The following SPOCK2 variants were observed in gnomAD, a reference collection of about 807,000 sequenced individuals.
SPOCK2 encodes the protein testican-2.
SPOCK2 carries 39 observed loss-of-function variants against 60.1 expected under a neutral mutation model. The ratio of observed to expected loss-of-function variants is 0.65; its 90% CI spans 0.50 to 0.85. The LOEUF (loss-of-function observed/expected upper bound fraction) is 0.85. Ranked by LOEUF, SPOCK2 falls within the 40% of genes least tolerant of loss-of-function variation. The pLI is 0.00. For synonymous variants in SPOCK2, 217 were observed against 231.5 expected (o/e 0.94, Z 0.57); for missense variants, 523 against 567.4 (o/e 0.92, Z 0.80).
At chr10:72,073,209 C>T (rs1840673039) in intron 1 of SPOCK2, among the ~76,000 whole-genome samples, 2 of 152,208 alleles carry the variant, frequency 1.3e-5, no homozygotes, top group Non-Finnish European at 2.9e-5. Flanking sequence ...GCCCCACCAC[C>T]AGGACAGATG....
intron 1 of SPOCK2, among the ~76,000 whole-genome samples, chr10:72,074,801 C>T (rs1333979097): frequency 1.3e-5 from 2 of 152,196 alleles, no homozygotes; most frequent in Admixed American, 6.5e-5. Context: ...CTTGCTTTCA[C>T]GTGCCTCCCC....
chr10:72,088,014 T>G, intron 1 of SPOCK2, 126 bp downstream of exon 1: 2 of 1,191,702 alleles, frequency 1.7e-6, no homozygotes, highest in Non-Finnish European at 1.2e-6. Flanking sequence ...TTACTTTCCG[T>G]GTAATTAGCC....
intron 1 of SPOCK2, among the ~76,000 whole-genome samples, chr10:72,080,815 C>T (rs576002102): frequency 2.0e-5 from 3 of 152,214 alleles, no homozygotes; most frequent in South Asian, 2.1e-4. Context: ...TGCCAGGAGC[C>T]GGGCTGGGCC....
Position 72,068,275 on chromosome 10 carries a change from C to T in SPOCK2, c.501G>A (p.Leu167=), listed in dbSNP as rs1368148237. Residue 167 remains leucine (L), a synonymous_variant, in exon 6 of 11, where the codon CTG becomes CTA. Coordinates refer to ENST00000373109, the MANE Select transcript of SPOCK2 (RefSeq NM_001244950.2). ...ATCGCACCGCCAGCTGCTTGCTGCT[C>T]AGGCACGCCTGTTGCTCCAGCTTAC... is the stretch of plus-strand genomic sequence containing the variant. ...SVCKLEQQAC[L]SSKQLAVRCE... 6.8e-6 allele frequency: 11 copies of T among 1,611,682 alleles called. No homozygotes were observed. Among genetic ancestry groups the T allele is most frequent in the Admixed American group, 1.7e-5 (1 of 59,774 alleles).
intron 3 of SPOCK2, 107 bp downstream of exon 3, chr10:72,072,396 C>A: frequency 6.5e-7 from 1 of 1,545,830 alleles, no homozygotes; most frequent in Admixed American, 1.9e-5. Flanking sequence ...CCATCCCCAC[C>A]GGGGCCTGGC....
In SPOCK2 at chr10:72,088,294, G is replaced by C. The variant is rs150218613; in HGVS notation, c.35C>G (p.Pro12Arg). Residue 12 changes from proline (P) to arginine (R), a missense_variant, in exon 1 of 11, where the codon CCG becomes CGG. Pro to Arg is a moderately radical substitution (Grantham distance 103, BLOSUM62 -2). Coordinates refer to ENST00000373109, the MANE Select transcript of SPOCK2 (RefSeq NM_001244950.2). ...GGCTGCCGCGGCCAGGAGCAGCAGC[G>C]GCAGCACCAGCCGCCCGCAGCCCGG... is the stretch of plus-strand genomic sequence containing the variant. ...RAPGCGRLVLPLLLLAAAALA... is the reference protein window; with the variant it reads ...RAPGCGRLVLRLLLLAAAALA... 6.3e-7 allele frequency: 1 copy of C among 1,596,756 alleles called. No homozygotes were observed. The highest frequency in any genetic ancestry group is 8.5e-7 in the Non-Finnish European group (1 of 1,173,104).
intron 1 of SPOCK2, among the ~76,000 whole-genome samples, chr10:72,073,656 C>T (rs547993461): frequency 9.2e-5 from 14 of 152,324 alleles, no homozygotes; most frequent in Non-Finnish European, 1.9e-4. Flanking sequence ...TCCCGATGCC[C>T]AGCACAGACC....
At chr10:72,067,852 G>A (rs1373355826) in intron 6 of SPOCK2, 120 bp from the exon 7 acceptor site, 1 of 1,453,886 alleles carries the variant, frequency 6.9e-7, no homozygotes, top group East Asian at 2.5e-5. Context: ...GGCAGCAGCA[G>A]AAGGGAAGGT....
chr10:72,085,722 G>T (rs1840846333), intron 1 of SPOCK2, among the ~76,000 whole-genome samples: 1 of 152,198 alleles, frequency 6.6e-6, no homozygotes, highest in Non-Finnish European at 1.5e-5. Context: ...AACCCCTTAA[G>T]GGGTTCAAAC....
chr10:72,060,537 G>A lies in SPOCK2; in HGVS notation c.*2223C>T, dbSNP rs1216096245. 2 of 152,150 alleles carry A rather than the reference G, an allele frequency of 1.3e-5. No individual in the cohort carries two copies. The highest frequency in any genetic ancestry group is 4.8e-5 in the African/African-American group (2 of 41,248). 9.4% of individuals were successfully genotyped at this position (152,150 alleles called of 1,614,324 possible). On this transcript the variant is annotated 3_prime_UTR_variant, in exon 11 of 11. Transcript: ENST00000373109. ...AGGAAAGTTCCAGAACTCCAGCTGG[G>A]ACAAATGGAAGAGATAGGTAGACTC...
intron 7 of SPOCK2, 128 bp from the exon 8 acceptor site, chr10:72,067,248 T>C (rs1393354362): frequency 2.1e-6 from 2 of 969,070 alleles, no homozygotes; most frequent in Non-Finnish European, 3.0e-6. Context: ...AATCTAACCA[T>C]GGGATTGAGA....
At chr10:72,076,975 G>C (rs959351797) in intron 1 of SPOCK2, among the ~76,000 whole-genome samples, 1 of 152,224 alleles carries the variant, frequency 6.6e-6, no homozygotes, top group African/African-American at 2.4e-5. Flanking sequence ...GCACTGAGGA[G>C]GAGGAGGCAG....
Position 72,087,169 on chromosome 10 carries a change from C to G in SPOCK2, c.189+971G>C, listed in dbSNP as rs953878556. On this transcript the variant is annotated intron_variant, in intron 1 of 10. Coordinates refer to ENST00000373109, the MANE Select transcript of SPOCK2 (RefSeq NM_001244950.2). The surrounding 1 kb of genome is among the most constrained non-coding windows in gnomAD (Gnocchi z 4.7). ...CACACCCTCCGCCCGCCCTGCCTCACCCCTGCTTCCCCAGCCCCCAACCCG... is the reference window on the plus strand; with the variant it reads ...CACACCCTCCGCCCGCCCTGCCTCAGCCCTGCTTCCCCAGCCCCCAACCCG... Among the ~76,000 whole-genome samples, 1 of 152,032 alleles carries G rather than the reference C, an allele frequency of 6.6e-6. No homozygotes were observed. Among genetic ancestry groups the G allele is most frequent in the Non-Finnish European group, 1.5e-5 (1 of 67,980 alleles).
At chr10:72,064,887 C>T (rs368929632) in intron 8 of SPOCK2, among the ~76,000 whole-genome samples, 6 of 146,324 alleles carry the variant, frequency 4.1e-5, no homozygotes, top group Middle Eastern at 3.8e-3. Context: ...CCCGCCACCA[C>T]GCCTGGCTAA....
At chr10:72,070,497 G>T in intron 4 of SPOCK2, 71 bp from the exon 5 acceptor site, 2 of 1,437,288 alleles carry the variant, frequency 1.4e-6, no homozygotes, top group Non-Finnish European at 1.9e-6. Context: ...AGGGAGGGCT[G>T]AGCAGACCTG....
At position 72,087,044 on chromosome 10, in the gene SPOCK2, A is replaced by T. The variant is rs1005121698; in HGVS notation, c.189+1096T>A. ...GTCCTAGAAGAGGTTTTCTGGGGTC[A>T]GGGCCGCGGTGAGCACCAGGTCGCC... On this transcript the variant is annotated intron_variant, in intron 1 of 10. Coordinates refer to ENST00000373109, the MANE Select transcript of SPOCK2 (RefSeq NM_001244950.2). The surrounding 1 kb of genome is among the most constrained non-coding windows in gnomAD (Gnocchi z 4.7). 1 of 1,533,692 alleles carries T rather than the reference A, an allele frequency of 6.5e-7. No homozygotes were observed. The highest frequency in any genetic ancestry group is 1.4e-5 in the African/African-American group (1 of 72,316).
chr10:72,088,625 A>T, upstream of SPOCK2: 2 of 262,856 alleles, frequency 7.6e-6, no homozygotes, highest in East Asian at 6.4e-5. Flanking sequence ...CTGGTTTAAA[A>T]AAAAAAAAAA....
chr10:72,073,257 A>G (rs1840673664), intron 1 of SPOCK2, among the ~76,000 whole-genome samples: 1 of 152,168 alleles, frequency 6.6e-6, no homozygotes, highest in African/African-American at 2.4e-5. Flanking sequence ...AGAGCTTCTC[A>G]TGCCTATGCC....
rs548092572 is a variant in SPOCK2 at position 72,080,254 on chromosome 10, C to T, written c.190-7344G>A. 1.1e-4 allele frequency among the ~76,000 whole-genome samples: 17 copies of T among 152,358 alleles called. 1 individual carries two copies. The highest frequency in any genetic ancestry group is 4.1e-4 in the South Asian group (2 of 4,828). On this transcript the variant is annotated intron_variant, in intron 1 of 10. Coordinates refer to ENST00000373109, the MANE Select transcript of SPOCK2 (RefSeq NM_001244950.2). The stretch of plus-strand genomic sequence containing the variant: ...CACCACAATTTCCCTAACCCTGTTA[C>T]GGCATTTCTTCATTTTTTAATAGAT...
Sources: allele counts gnomAD v4.1 joint callset (sites outside exome capture counted in the v4.1 genomes callset), GRCh38; gene constraint gnomAD v4.1.1; non-coding constraint Gnocchi (gnomAD v3.1); transcripts MANE v1.5; gene names NCBI Gene and HGNC (gene_info 2026-07-23, HGNC 2026-07-21).